The following CSMD1 variants were observed in gnomAD, a reference collection of about 807,000 sequenced individuals.
The protein encoded by CSMD1 is CUB and sushi domain-containing protein 1.
CSMD1 carries 213 observed loss-of-function variants against 417.5 expected under a neutral mutation model. The ratio of observed to expected loss-of-function variants is 0.51; its 90% confidence interval spans 0.46 to 0.57. CSMD1 has a LOEUF of 0.57. Ranked by LOEUF, CSMD1 falls within the 20% of genes least tolerant of loss-of-function variation. The pLI, the probability that CSMD1 is intolerant of heterozygous loss-of-function variation, is 0.00. For synonymous variants in CSMD1, 2,862 were observed against 1,736.8 expected (o/e 1.65, Z -16.11); for missense variants, 6,923 against 4,529.7 (o/e 1.53, Z -15.17).
intron 5 of CSMD1, among the ~76,000 whole-genome samples, chr8:3,756,823 T>A (rs576973147): frequency 1.8e-4 from 28 of 152,144 alleles, no homozygotes; most frequent in African/African-American, 6.5e-4. Context: ...TGAGACAGTG[T>A]CTTGCTCTTT....
intron 2 of CSMD1, among the ~76,000 whole-genome samples, chr8:4,528,781 TTCTCTCTCTCTCTCTC>T (rs35818830): frequency 1.3e-5 from 2 of 149,310 alleles, no homozygotes; most frequent in African/African-American, 4.9e-5. Context: ...AGAGCTCACT[TTCTCTCTCTCTCTCTC>T]TCTCTCTCAT....
intron 6 of CSMD1, among the ~76,000 whole-genome samples, chr8:3,712,306 C>T (rs1416636261): frequency 5.9e-5 from 9 of 152,064 alleles, no homozygotes; most frequent in Non-Finnish European, 1.5e-5. Context: ...CTTCCACACC[C>T]TTCCCTCGCC....
chr8:4,753,584 C>T (rs1193975677), intron 1 of CSMD1, among the ~76,000 whole-genome samples: 4 of 152,134 alleles, frequency 2.6e-5, no homozygotes, highest in African/African-American at 9.7e-5. Context: ...TTCTCATTGG[C>T]ACCCATGAAC....
chr8:4,131,937 G>A (rs780198722), intron 3 of CSMD1, among the ~76,000 whole-genome samples: 2 of 151,416 alleles, frequency 1.3e-5, no homozygotes, highest in African/African-American at 4.9e-5. Flanking sequence ...TACTTTTTTG[G>A]TATTTTTTAG....
At chr8:2,955,811 A>G in intron 63 of CSMD1, 43 bp from the exon 64 acceptor site, 1 of 1,576,950 alleles carries the variant, frequency 6.3e-7, no homozygotes, top group Non-Finnish European at 8.7e-7. Flanking sequence ...TTTATTGTAA[A>G]GTTAGCACAT....
intron 3 of CSMD1, among the ~76,000 whole-genome samples, chr8:4,209,535 G>C (rs1422238328): frequency 6.6e-6 from 1 of 152,144 alleles, no homozygotes; most frequent in Non-Finnish European, 1.5e-5. Flanking sequence ...GGAGCCGCGT[G>C]AGATTCCTTG....
chr8:4,230,051 G>A (rs1267198082), intron 3 of CSMD1, among the ~76,000 whole-genome samples: 1 of 152,108 alleles, frequency 6.6e-6, no homozygotes, highest in African/African-American at 2.4e-5. Context: ...CATCTTACGT[G>A]CGTGCGTGCA....
At chr8:4,080,037 G>T (rs1543906) in intron 3 of CSMD1, among the ~76,000 whole-genome samples, 2 of 151,074 alleles carry the variant, frequency 1.3e-5, no homozygotes, top group Admixed American at 6.6e-5. Flanking sequence ...AAAGGGTGGT[G>T]AGTGGCCCAG....
chr8:3,307,404 C>T (rs546057465), intron 25 of CSMD1, among the ~76,000 whole-genome samples: 72 of 90,004 alleles, frequency 8.0e-4, no homozygotes, highest in African/African-American at 2.5e-3. Context: ...AGGCAACCCA[C>T]GAAGTCATGA....
At chr8:4,686,600 C>G (rs555010769) in intron 1 of CSMD1, among the ~76,000 whole-genome samples, 1 of 152,254 alleles carries the variant, frequency 6.6e-6, no homozygotes, top group Non-Finnish European at 1.5e-5. Flanking sequence ...TCCAGTCTCA[C>G]GTCCCGACGT....
intron 5 of CSMD1, among the ~76,000 whole-genome samples, chr8:3,763,639 C>G (rs567666420): frequency 1.3e-5 from 2 of 152,270 alleles, no homozygotes; most frequent in South Asian, 4.1e-4. Context: ...TACCCAGTCT[C>G]AAGTATTCCT....
chr8:4,914,994 C>G (rs1430460612), intron 1 of CSMD1, among the ~76,000 whole-genome samples: 1 of 152,124 alleles, frequency 6.6e-6, no homozygotes, highest in Non-Finnish European at 1.5e-5. Flanking sequence ...CAGGCAATAG[C>G]TACCGTATTT....
intron 5 of CSMD1, among the ~76,000 whole-genome samples, chr8:3,963,694 G>T (rs1345622492): frequency 1.3e-5 from 2 of 152,122 alleles, no homozygotes; most frequent in African/African-American, 4.8e-5. Context: ...AATATACATA[G>T]ATTTCATCGT....
rs536384324 is a variant in CSMD1, at chr8:3,496,652, C to A, written c.1345-2926G>T. ...ACCAGCTTGGCAAACAGAGTGAAACCCTGTCTCCACTAAAAATACAAAAAT... is the reference window on the plus strand; with the variant it reads ...ACCAGCTTGGCAAACAGAGTGAAACACTGTCTCCACTAAAAATACAAAAAT... On this transcript the variant is annotated intron_variant, in intron 10 of 69. Transcript: ENST00000635120. 6.8e-4 allele frequency among the ~76,000 whole-genome samples: 103 copies of A among 152,092 alleles called. 2 individuals are homozygous for A. The South Asian group carries it at 0.021, about 31-fold the overall frequency.
intron 9 of CSMD1, among the ~76,000 whole-genome samples, chr8:3,583,485 G>C (rs1366463094): frequency 6.6e-6 from 1 of 152,070 alleles, no homozygotes; most frequent in Non-Finnish European, 1.5e-5. Flanking sequence ...CTTAGCAGAA[G>C]TGGTTCTGTG....
chr8:4,518,799 A>C (rs1195688634), intron 2 of CSMD1, among the ~76,000 whole-genome samples: 1 of 152,078 alleles, frequency 6.6e-6, no homozygotes, highest in African/African-American at 2.4e-5. Context: ...AAGAGGAAAA[A>C]TAGAATAATT....
intron 2 of CSMD1, among the ~76,000 whole-genome samples, chr8:4,546,212 G>A (rs1046675156): frequency 4.6e-5 from 7 of 152,162 alleles, no homozygotes; most frequent in African/African-American, 9.7e-5. Context: ...GGCCCTGGTC[G>A]CACAAGACCA....
intron 5 of CSMD1, among the ~76,000 whole-genome samples, chr8:3,871,792 T>C (rs1297035102): frequency 1.3e-5 from 2 of 151,966 alleles, no homozygotes; most frequent in Admixed American, 6.6e-5. Context: ...AATGTAAGAG[T>C]TGTTGATGTG....
At chr8:3,748,227 G>T (rs1797153299) in intron 6 of CSMD1, among the ~76,000 whole-genome samples, 1 of 152,124 alleles carries the variant, frequency 6.6e-6, no homozygotes, top group African/African-American at 2.4e-5. Context: ...TTTCTGATTT[G>T]AATGAGTTAT....
Sources: allele counts gnomAD v4.1 joint callset (sites outside exome capture counted in the v4.1 genomes callset), GRCh38; gene constraint gnomAD v4.1.1; transcripts MANE v1.5; gene names NCBI Gene and HGNC (gene_info 2026-07-23, HGNC 2026-07-21).